DACH2: variants seen among roughly 807,000 people sequenced by gnomAD.
DACH2 encodes dachshund homolog 2.
A neutral mutation model predicts 35.8 loss-of-function variants in DACH2; 17 were observed. The ratio of observed to expected loss-of-function variants is 0.48; its 90% CI spans 0.33 to 0.71. The LOEUF is 0.71. Ranked by LOEUF, DACH2 falls within the 30% of genes least tolerant of loss-of-function variation. The pLI, the probability that DACH2 is intolerant of heterozygous loss-of-function variation, is 0.02. For synonymous variants in DACH2, 195 were observed against 177.3 expected, an observed-to-expected ratio of 1.10 and a Z score of -0.79; for missense variants, 469 against 472.7, an observed-to-expected ratio of 0.99 and a Z score of 0.07.
At chrX:86,311,096 G>A (rs778755122) in intron 1 of DACH2, among the ~76,000 whole-genome samples, 2 of 111,859 alleles carry the variant, frequency 1.8e-5, no homozygotes, top group Non-Finnish European at 3.8e-5. Flanking sequence ...TGGGTAATCA[G>A]CCAGCTACCT....
chrX:86,577,651 G>A (rs1702366088), intron 3 of DACH2, among the ~76,000 whole-genome samples: 1 of 111,323 alleles, frequency 9.0e-6, no homozygotes, highest in Admixed American at 9.6e-5. Flanking sequence ...CTAATGAGTT[G>A]ACTTATGGCT....
chrX:86,198,319 T>C (rs190773002), intron 1 of DACH2, among the ~76,000 whole-genome samples: 2 of 111,440 alleles, frequency 1.8e-5, no homozygotes, highest in Non-Finnish European at 3.8e-5. Context: ...GTTAGAAAGA[T>C]CTCAATGTAA....
chrX:86,704,811 A>G (rs1602820520), intron 5 of DACH2, among the ~76,000 whole-genome samples: 2 of 111,027 alleles, frequency 1.8e-5, no homozygotes, highest in Non-Finnish European at 3.8e-5. Flanking sequence ...AATGTAAACT[A>G]GTGCAACCAG....
chrX:86,293,919 G>A (rs1241610146), intron 1 of DACH2, among the ~76,000 whole-genome samples: 1 of 110,641 alleles, frequency 9.0e-6, no homozygotes. Flanking sequence ...TGCTCTTCTC[G>A]AGGAGTATCT....
intron 1 of DACH2, among the ~76,000 whole-genome samples, chrX:86,250,148 G>A (rs931372861): frequency 4.5e-5 from 5 of 111,210 alleles, no homozygotes; most frequent in African/African-American, 1.6e-4. Flanking sequence ...CCAAACCCCT[G>A]CATTCCACAA....
chrX:86,261,981 T>C (rs770108147), intron 1 of DACH2, among the ~76,000 whole-genome samples: 1 of 110,672 alleles, frequency 9.0e-6, no homozygotes, highest in Non-Finnish European at 1.9e-5. Flanking sequence ...AAATGTGGTG[T>C]CAAAAATAAA....
intron 3 of DACH2, among the ~76,000 whole-genome samples, chrX:86,625,594 A>C (rs2040126559): frequency 9.0e-6 from 1 of 111,166 alleles, no homozygotes; most frequent in African/African-American, 3.3e-5. Flanking sequence ...TGATGCTGTT[A>C]ATAAAGACAT....
intron 1 of DACH2, among the ~76,000 whole-genome samples, chrX:86,315,198 T>C (rs1458877535): frequency 1.8e-5 from 2 of 112,016 alleles, no homozygotes; most frequent in Non-Finnish European, 3.8e-5. Context: ...ATATGCTAAA[T>C]CTACTCTGCC....
chrX:86,429,175 G>T (rs1464712242), intron 2 of DACH2, among the ~76,000 whole-genome samples: 1 of 110,627 alleles, frequency 9.0e-6, no homozygotes, highest in Non-Finnish European at 1.9e-5. Context: ...GAGCCTGTGG[G>T]CTTCGGAAAA....
intron 3 of DACH2, among the ~76,000 whole-genome samples, chrX:86,631,159 A>G (rs770006481): frequency 3.6e-5 from 4 of 111,809 alleles, no homozygotes; most frequent in African/African-American, 1.3e-4. Context: ...ATGAATGGTG[A>G]TACTTAAGAA....
At chrX:86,795,068 C>T (rs973047831) in intron 7 of DACH2, among the ~76,000 whole-genome samples, 5 of 110,769 alleles carry the variant, frequency 4.5e-5, no homozygotes, top group Non-Finnish European at 9.4e-5. Context: ...TAGCCATTCA[C>T]ACTGGAAAAA....
At chrX:86,414,281 C>T (rs28838997) in intron 2 of DACH2, among the ~76,000 whole-genome samples, 6,980 of 110,779 alleles carry the variant, frequency 0.063, 589 homozygotes, top group African/African-American at 0.22. Context: ...GGCTTCCTAT[C>T]GATTTCACTT....
At chrX:86,380,753 CTG>C (rs760951390) in intron 2 of DACH2, among the ~76,000 whole-genome samples, 2 of 110,162 alleles carry the variant, frequency 1.8e-5, no homozygotes, top group African/African-American at 6.5e-5. Context: ...TGTATCATTG[CTG>C]TGTCTTTTTA....
chrX:86,205,119 A>G (rs1285052782), intron 1 of DACH2, among the ~76,000 whole-genome samples: 1 of 111,885 alleles, frequency 8.9e-6, no homozygotes, highest in Non-Finnish European at 1.9e-5. Flanking sequence ...GAAGAATGTA[A>G]TTTCCAAACA....
intron 1 of DACH2, among the ~76,000 whole-genome samples, chrX:86,260,714 G>A (rs1006277896): frequency 6.3e-5 from 7 of 111,686 alleles, no homozygotes; most frequent in African/African-American, 2.3e-4. Context: ...CCCCTCAATA[G>A]GGCATGATTA....
chrX:86,643,384 G>A (rs1295947519), intron 3 of DACH2, among the ~76,000 whole-genome samples: 3 of 109,913 alleles, frequency 2.7e-5, no homozygotes, highest in Non-Finnish European at 5.7e-5. Context: ...TAAGTTCCTG[G>A]ACACATACAA....
intron 1 of DACH2, among the ~76,000 whole-genome samples, chrX:86,362,993 C>A (rs2035759221): frequency 9.1e-6 from 1 of 110,473 alleles, no homozygotes; most frequent in Non-Finnish European, 1.9e-5. Context: ...ACTGTGGGTA[C>A]TTTAAATATA....
intron 2 of DACH2, among the ~76,000 whole-genome samples, chrX:86,493,453 A>G (rs768270956): frequency 1.8e-5 from 2 of 111,707 alleles, no homozygotes; most frequent in East Asian, 5.6e-4. Context: ...CCAATTTAGC[A>G]GTTCTAAGAT....
intron 1 of DACH2, among the ~76,000 whole-genome samples, chrX:86,324,571 C>CTTT (rs56918891): frequency 1.1e-3 from 46 of 40,645 alleles, no homozygotes; most frequent in East Asian, 6.1e-3. Flanking sequence ...TCACTGTTGT[C>CTTT]TTTTTTTTTT....
Sources: gnomAD v4.1 joint callset for allele counts (sites outside exome capture counted in the v4.1 genomes callset) on GRCh38, gnomAD v4.1.1 for gene constraint, MANE v1.5 for transcripts, NCBI Gene and HGNC (gene_info 2026-07-23, HGNC 2026-07-21) for gene names.